Variants in MPHOSPH8 observed in about 807,000 individuals in gnomAD.
MPHOSPH8 encodes M-phase phosphoprotein 8, also known as M-phase phosphoprotein, mpp.
Under a neutral mutation model 87.3 loss-of-function variants are expected in MPHOSPH8, and 45 were observed. That is an observed-to-expected ratio of 0.52 (90% confidence interval 0.41 to 0.66). MPHOSPH8 has a LOEUF of 0.66. Ranked by LOEUF, MPHOSPH8 falls within the 30% of genes least tolerant of loss-of-function variation. The pLI is 0.00. For missense variants in MPHOSPH8, 883 were observed against 1,020.2 expected, an observed-to-expected ratio of 0.87 and a Z score of 1.83; for synonymous variants, 366 against 376.9, an observed-to-expected ratio of 0.97 and a Z score of 0.33.
rs746209166 is a variant in MPHOSPH8 at position 19,671,271 on chromosome 13, A to G, written c.2523A>G (p.Thr841=). ...AGPNKLFIRL[T]EAPSAKVKLL... ...CCAATAAACTCTTCATAAGGTTGAC[A>G]GAAGCACCCTCTGCCAAGGTGACAG... The change falls in exon 13 of 14, where the codon ACA becomes ACG. Residue 841 remains threonine (T), a synonymous_variant. Coordinates refer to ENST00000361479, the MANE Select transcript of MPHOSPH8 (RefSeq NM_017520.4). 6.2e-7 allele frequency: 1 copy of G among 1,613,834 alleles called. No homozygotes were observed. The highest frequency in any genetic ancestry group is 8.5e-7 in the Non-Finnish European group (1 of 1,179,734).
chr13:19,670,075 C>T (rs746975420), intron 11 of MPHOSPH8, among the ~76,000 whole-genome samples, 161 bp from the exon 12 acceptor site: 1 of 152,222 alleles, frequency 6.6e-6, no homozygotes, highest in African/African-American at 2.4e-5. Flanking sequence ...CCAGGTGACA[C>T]GAGCTTTGAG....
In MPHOSPH8 at chr13:19,673,088, GTTTTTTTTTGTTT is replaced by G. The variant is rs377547462; in HGVS notation, c.*1224_*1236del. 1,104 of 292,990 alleles carry G rather than the reference GTTTTTTTTTGTTT, an allele frequency of 3.8e-3. 16 individuals carry two copies. In the African/African-American group the frequency reaches 0.04, roughly 11 times the overall value. The allele number at this position is 292,990 out of a possible 1,614,324, so 18.1% of individuals were successfully genotyped here. ...AAAAAAGTTTCTTGGAACCTATACG[GTTTTTTTTTGTTT>G]TTTTTTTTTGAAAAGCCAGACCTTG... On this transcript the variant is annotated 3_prime_UTR_variant, in exon 14 of 14. Transcript: ENST00000361479.
In MPHOSPH8 at chr13:19,647,015, A is replaced by G. The variant is rs780507382; in HGVS notation, c.942A>G (p.Leu314=). ...TGGAGCATGGCTTTGAGAAGCCCCT[A>G]GACAGTGCCATGAGTGCTGAGGAGG... The part of the protein sequence containing the change: ...MGLEHGFEKP[L]DSAMSAEEDT... The change falls in exon 3 of 14, where the codon CTA becomes CTG. Residue 314 remains leucine (L), a synonymous_variant. Coordinates refer to ENST00000361479, the MANE Select transcript of MPHOSPH8 (RefSeq NM_017520.4). 28 of 1,603,244 alleles carry G rather than the reference A, an allele frequency of 1.7e-5. No individual in the cohort carries two copies. The South Asian group carries it at 2.4e-4, about 14-fold the overall frequency.
chr13:19,648,256 GA>G (rs1874671314), intron 3 of MPHOSPH8, among the ~76,000 whole-genome samples, 165 bp from the exon 4 acceptor site: 2 of 152,012 alleles, frequency 1.3e-5, no homozygotes, highest in Non-Finnish European at 2.9e-5. Context: ...GTTGACTGAG[GA>G]AGCAAAATTC....
chr13:19,671,889 A>C lies in MPHOSPH8; in HGVS notation c.*14A>C. The C allele has an allele frequency of 6.2e-7, 1 of 1,613,626 alleles. No homozygotes were observed. ...CAGCTGCAGTGACCAAACAGAAGGG[A>C]CTGGGCGGAGTTCTCTTCAGACCGA... On this transcript the variant is annotated 3_prime_UTR_variant, in exon 14 of 14. Transcript: ENST00000361479.
rs531870372 is a variant in MPHOSPH8 at position 19,646,475 on chromosome 13, G to A, written c.402G>A (p.Ala134=). ...RLSLNNDIFE[A]NSDSDQQSET... is the part of the protein sequence containing the mutation. ...CCTTAAATAACGACATATTTGAGGCGAACTCTGATAGCGATCAGCAAAGTG... is the reference window on the plus strand; with the variant it reads ...CCTTAAATAACGACATATTTGAGGCAAACTCTGATAGCGATCAGCAAAGTG... The change falls in exon 3 of 14, where the codon GCG becomes GCA. Residue 134 remains alanine (A), a synonymous_variant. Transcript: ENST00000361479. 156 of 1,526,934 alleles carry A rather than the reference G, an allele frequency of 1.0e-4. No homozygotes were observed. Among genetic ancestry groups the A allele is most frequent in the Non-Finnish European group, 1.3e-4 (145 of 1,146,920 alleles). 94.6% of individuals were successfully genotyped at this position (1,526,934 alleles called of 1,614,324 possible). A position where few individuals can be genotyped will look rare whatever the true frequency, so the allele number is the denominator to read the frequency against.
chr13:19,663,068 T>C lies in MPHOSPH8; in HGVS notation c.1961T>C (p.Leu654Ser), dbSNP rs1367343990. 1 of 1,614,014 alleles carries C rather than the reference T, an allele frequency of 6.2e-7. No individual in the cohort carries two copies. Among genetic ancestry groups the C allele is most frequent in the Admixed American group, 1.7e-5 (1 of 60,036 alleles). ...KNFLTTVAIL[L>S]EAGAFVNVQQ... ...TTTTTAACAACAGTGGCTATTCTTT[T>C]GGAAGCAGGAGCTTTTGTAAATGTC... is the stretch of plus-strand genomic sequence containing the variant. The change falls in exon 9 of 14, where the codon TTG becomes TCG. Residue 654 changes from leucine to serine, a missense_variant. Leu to Ser is a moderately radical substitution (Grantham distance 145, BLOSUM62 -2). This residue lies in a region of MPHOSPH8 where 741 missense variants were observed against 841.5 expected (regional missense o/e 0.88). Coordinates refer to ENST00000361479, the MANE Select transcript of MPHOSPH8 (RefSeq NM_017520.4).
At chr13:19,662,611 T>C (rs1593487370) in intron 8 of MPHOSPH8, among the ~76,000 whole-genome samples, 1 of 152,260 alleles carries the variant, frequency 6.6e-6, no homozygotes, top group African/African-American at 2.4e-5. Context: ...AGTAGTACAT[T>C]GTAATCACAT....
intron 5 of MPHOSPH8, among the ~76,000 whole-genome samples, chr13:19,651,831 G>A (rs909664173): frequency 4.8e-4 from 73 of 151,936 alleles, no homozygotes; most frequent in South Asian, 2.1e-4. Context: ...TGGGCACGGC[G>A]GCTCACACCT....
At position 19,666,405 on chromosome 13, in the gene MPHOSPH8, C is replaced by T. The variant is rs201685329; in HGVS notation, c.2020-20C>T. ...ACAGTTTACAGCTAAGTAATTGTTA[C>T]TCCTTTTTACCTGACGTAGGCCTGT... On this transcript the variant is annotated intron_variant, in intron 9 of 13. Transcript: ENST00000361479. The T allele has an allele frequency of 2.2e-4, 346 of 1,587,664 alleles. No individual in the cohort carries two copies. The highest frequency in any genetic ancestry group is 2.8e-4 in the Non-Finnish European group (327 of 1,159,038).
intron 9 of MPHOSPH8, among the ~76,000 whole-genome samples, chr13:19,663,843 G>A (rs910883523): frequency 3.3e-5 from 5 of 152,118 alleles, no homozygotes; most frequent in South Asian, 2.1e-4. Flanking sequence ...TGAGCCAAGC[G>A]GGGGCCTGCC....
intron 1 of MPHOSPH8, among the ~76,000 whole-genome samples, chr13:19,636,613 G>A (rs1222554406): frequency 1.3e-5 from 2 of 151,654 alleles, no homozygotes; most frequent in African/African-American, 4.9e-5. Context: ...CGGAGTAGAT[G>A]GGACTATAGG....
chr13:19,653,666 A>G (rs1874983988), intron 5 of MPHOSPH8, among the ~76,000 whole-genome samples: 1 of 152,222 alleles, frequency 6.6e-6, no homozygotes, highest in Non-Finnish European at 1.5e-5. Flanking sequence ...CCTTGAGAAA[A>G]GGTTAGAGGA....
Position 19,668,447 on chromosome 13 carries a change from T to C in MPHOSPH8, c.2245T>C (p.Phe749Leu), listed in dbSNP as rs1875938608. ...EARLALLEPV[F>L]PIACHRLCEG... The stretch of plus-strand genomic sequence containing the variant: ...TCGCCTTGCTCTGCTAGAACCAGTT[T>C]TTCCAATCGCATGTCATCGACTCTG... The change falls in exon 11 of 14, where the codon TTT (phenylalanine) becomes CTT (leucine). Residue 749 changes from phenylalanine (F) to leucine (L), a missense_variant. This residue lies in a region of MPHOSPH8 where 741 missense variants were observed against 841.5 expected (regional missense o/e 0.88). Coordinates refer to ENST00000361479, the MANE Select transcript of MPHOSPH8 (RefSeq NM_017520.4). The C allele has an allele frequency of 6.2e-7, 1 of 1,614,040 alleles. No individual in the cohort carries two copies. Among genetic ancestry groups the C allele is most frequent in the Non-Finnish European group, 8.5e-7 (1 of 1,180,014 alleles).
At chr13:19,655,416 C>CA (rs1204526967) in intron 5 of MPHOSPH8, among the ~76,000 whole-genome samples, 1 of 152,124 alleles carries the variant, frequency 6.6e-6, no homozygotes, top group African/African-American at 2.4e-5. Context: ...TGCAGTGAGC[C>CA]ATGATAACAC....
intron 4 of MPHOSPH8, among the ~76,000 whole-genome samples, 197 bp from the exon 5 acceptor site, chr13:19,649,806 T>C (rs542662597): frequency 5.9e-5 from 9 of 152,350 alleles, no homozygotes; most frequent in Admixed American, 3.3e-4. Flanking sequence ...TTTCTGAATA[T>C]TGAGCAGCCA....
Position 19,671,990 on chromosome 13 carries a change from C to A in MPHOSPH8, c.*115C>A. On this transcript the variant is annotated 3_prime_UTR_variant, in exon 14 of 14. Transcript: ENST00000361479. ...TAAAGTTTTGTCTGTAAACCTCTTG[C>A]AGTTAAGCCTGTTGTCTGTTGTAGT... 1 of 1,055,486 alleles carries A rather than the reference C, an allele frequency of 9.5e-7. No homozygotes were observed. The highest frequency in any genetic ancestry group is 1.4e-6 in the Non-Finnish European group (1 of 696,990). The allele number at this position is 1,055,486 out of a possible 1,614,324, so 65.4% of individuals were successfully genotyped here.
At chr13:19,655,394 G>T (rs1486544131) in intron 5 of MPHOSPH8, among the ~76,000 whole-genome samples, 2 of 152,140 alleles carry the variant, frequency 1.3e-5, no homozygotes, top group Non-Finnish European at 2.9e-5. Flanking sequence ...CTTGAGCCCG[G>T]AAGTTCGAGG....
rs752838814 is a variant in MPHOSPH8 at position 19,673,054 on chromosome 13, C to CAA, written c.*1192_*1193dup. The CAA allele has an allele frequency of 2.2e-4, 87 of 394,642 alleles. No individual in the cohort carries two copies. Among genetic ancestry groups the CAA allele is most frequent in the Middle Eastern group, 4.5e-4 (1 of 2,228 alleles). 24.4% of individuals were successfully genotyped at this position (394,642 alleles called of 1,614,324 possible). On this transcript the variant is annotated 3_prime_UTR_variant, in exon 14 of 14. Coordinates refer to ENST00000361479, the MANE Select transcript of MPHOSPH8 (RefSeq NM_017520.4). ...TGAGTGACAGAATGAGACCTTGTCTCAAAAAAAAAAAAAAGTTTCTTGGAA... is the reference window on the plus strand; with the variant it reads ...TGAGTGACAGAATGAGACCTTGTCTCAAAAAAAAAAAAAAAAGTTTCTTGGAA...
Sources: allele counts gnomAD v4.1 joint callset (sites outside exome capture counted in the v4.1 genomes callset), GRCh38; gene constraint gnomAD v4.1.1; regional missense constraint gnomAD v4.1.1; transcripts MANE v1.5; gene names NCBI Gene and HGNC (gene_info 2026-07-23, HGNC 2026-07-21).